The following CAST variants were observed in gnomAD, a reference collection of about 807,000 sequenced individuals.
CAST encodes the protein calpastatin.
CAST carries 76 observed loss-of-function variants against 119.6 expected under a neutral mutation model. The ratio of observed to expected loss-of-function variants is 0.64; its 90% CI spans 0.53 to 0.77. CAST has a LOEUF of 0.77. Ranked by LOEUF, CAST falls within the 30% of genes least tolerant of loss-of-function variation. The probability of loss-of-function intolerance (pLI) is 0.00; values close to 1 mark genes in which losing one functional copy is unlikely to be tolerated. For synonymous variants in CAST, 319 were observed against 331.6 expected, an observed-to-expected ratio of 0.96 and a Z score of 0.41; for missense variants, 953 against 946.5, an observed-to-expected ratio of 1.01 and a Z score of -0.09.
chr5:96,132,467 C>G, the CAST span, among the ~76,000 whole-genome samples: 29 of 152,208 alleles, frequency 1.9e-4, no homozygotes, highest in African/African-American at 6.7e-4. Context: ...TTACTGATAA[C>G]TATAGTCACC....
the CAST span, chr5:96,400,336 T>C: frequency 1.5e-6 from 1 of 671,440 alleles, no homozygotes; most frequent in Non-Finnish European, 2.7e-6. Flanking sequence ...ACTGTTCATA[T>C]ATCTTTTCAT....
chr5:96,549,977 G>A (rs1173849633), intron 1 of CAST, among the ~76,000 whole-genome samples: 3 of 152,216 alleles, frequency 2.0e-5, no homozygotes, highest in African/African-American at 4.8e-5. Flanking sequence ...CTGGGGGCAG[G>A]GCATATATGA....
the CAST span, among the ~76,000 whole-genome samples, chr5:96,157,012 G>A: frequency 2.6e-5 from 4 of 152,084 alleles, no homozygotes; most frequent in East Asian, 7.7e-4. Flanking sequence ...GGAAATTTGT[G>A]TATTACCTTG....
the CAST span, among the ~76,000 whole-genome samples, chr5:96,466,619 T>C: frequency 3.3e-5 from 5 of 152,006 alleles, no homozygotes; most frequent in Non-Finnish European, 7.4e-5. Flanking sequence ...TAGCTTACCA[T>C]AGATATGCTT....
chr5:96,258,520 A>G, the CAST span, among the ~76,000 whole-genome samples: 1 of 152,186 alleles, frequency 6.6e-6, no homozygotes, highest in Non-Finnish European at 1.5e-5. Flanking sequence ...TTTAGTTGGC[A>G]GCGTTCCTCC....
chr5:96,560,134 G>A (rs891891754), intron 1 of CAST, among the ~76,000 whole-genome samples: 12 of 152,060 alleles, frequency 7.9e-5, no homozygotes, highest in Admixed American at 4.6e-4. Flanking sequence ...AAATGGTGCT[G>A]GGAAAACTGG....
the CAST span, among the ~76,000 whole-genome samples, chr5:96,244,882 G>T: frequency 6.6e-6 from 1 of 152,090 alleles, no homozygotes; most frequent in Non-Finnish European, 1.5e-5. Flanking sequence ...CATGAGTGTG[G>T]GTAAATATAG....
chr5:95,996,089 A>G, the CAST span, among the ~76,000 whole-genome samples: 1 of 152,170 alleles, frequency 6.6e-6, no homozygotes, highest in Non-Finnish European at 1.5e-5. Context: ...TATGTTTCCA[A>G]GTCTCCCCAA....
intron 1 of CAST, among the ~76,000 whole-genome samples, chr5:96,665,189 T>C (rs1749160052): frequency 6.6e-6 from 1 of 152,192 alleles, no homozygotes; most frequent in East Asian, 1.9e-4. Context: ...ACCAGTGCTA[T>C]TCAATAGAAA....
chr5:96,105,098 T>A, the CAST span, among the ~76,000 whole-genome samples: 34 of 138,856 alleles, frequency 2.4e-4, no homozygotes, highest in Non-Finnish European at 1.5e-5. Flanking sequence ...ATCCTGAGAC[T>A]TTGCTGAAGT....
rs1225949622 is a variant in CAST at position 96,772,703 on chromosome 5, A to G, written c.*87A>G. On this transcript the variant is annotated 3_prime_UTR_variant, in exon 32 of 32. Transcript: ENST00000675179. Reference sequence around the variant, plus strand: ...TTTTGAAGAACAAAAGGCTTTGGCAACAGAAAACAATTGTTCTGGGTGATT... The same window carrying G: ...TTTTGAAGAACAAAAGGCTTTGGCAGCAGAAAACAATTGTTCTGGGTGATT... 1 of 152,758 alleles carries G rather than the reference A, an allele frequency of 6.5e-6. No homozygotes were observed. The highest frequency in any genetic ancestry group is 6.5e-5 in the Admixed American group (1 of 15,270). The allele number at this position is 152,758 out of a possible 1,614,324, so 9.5% of individuals were successfully genotyped here.
upstream of CAST, chr5:96,662,092 A>C: frequency 3.9e-6 from 1 of 258,808 alleles, no homozygotes. Context: ...CGAAGGAGGA[A>C]CGCTGCAACC....
At chr5:96,355,158 C>T in the CAST span, among the ~76,000 whole-genome samples, 12 of 152,046 alleles carry the variant, frequency 7.9e-5, no homozygotes, top group Non-Finnish European at 1.6e-4. Flanking sequence ...TTAGGTATTC[C>T]TCCTAATGCT....
At chr5:96,292,317 A>G in the CAST span, among the ~76,000 whole-genome samples, 1 of 152,240 alleles carries the variant, frequency 6.6e-6, no homozygotes, top group Non-Finnish European at 1.5e-5. Flanking sequence ...TCCGTTTCCA[A>G]TAAGAGCTTC....
intron 1 of CAST, among the ~76,000 whole-genome samples, chr5:96,654,893 T>C (rs545886916): frequency 6.6e-6 from 1 of 152,340 alleles, no homozygotes; most frequent in East Asian, 1.9e-4. Context: ...TTTTATTGTA[T>C]ACTATGTGTT....
chr5:96,741,335 G>T lies in CAST; in HGVS notation c.988G>T (p.Ala330Ser), dbSNP rs146900166. The part of the protein sequence containing the change: ...SDFTCGSPTA[A>S]GKKTEKEEST... ...CTTCACCTGTGGGTCGCCTACAGCT[G>T]CTGGAAAGAAAACTGAAAAAGAGGT... Residue 330 changes from alanine (A) to serine (S), a missense_variant, in exon 14 of 32, where the codon GCT (alanine) becomes TCT (serine). Coordinates refer to ENST00000675179, the MANE Select transcript of CAST (RefSeq NM_001750.7). 1 of 1,611,862 alleles carries T rather than the reference G, an allele frequency of 6.2e-7. No individual in the cohort carries two copies. The highest frequency in any genetic ancestry group is 8.5e-7 in the Non-Finnish European group (1 of 1,178,002).
the CAST span, among the ~76,000 whole-genome samples, chr5:96,434,484 G>T: frequency 6.6e-5 from 10 of 152,206 alleles, no homozygotes; most frequent in Non-Finnish European, 1.0e-4. Flanking sequence ...CCGCAGGGGG[G>T]AGTGTGGTTA....
intron 1 of CAST, among the ~76,000 whole-genome samples, chr5:96,635,623 TG>T (rs1747875873): frequency 6.6e-6 from 1 of 152,264 alleles, no homozygotes; most frequent in Non-Finnish European, 1.5e-5. Context: ...ACTAGTGTAC[TG>T]AAGTATCTCT....
the CAST span, among the ~76,000 whole-genome samples, chr5:96,080,430 C>T: frequency 6.6e-6 from 1 of 152,256 alleles, no homozygotes; most frequent in African/African-American, 2.4e-5. Flanking sequence ...CTCATTTTGG[C>T]TTGAAGGAGA....
Sources: allele counts gnomAD v4.1 joint callset (sites outside exome capture counted in the v4.1 genomes callset), GRCh38; gene constraint gnomAD v4.1.1; transcripts MANE v1.5; gene names NCBI Gene and HGNC (gene_info 2026-07-23, HGNC 2026-07-21).